Variants in KLHL32 observed in about 807,000 individuals in gnomAD.
KLHL32 encodes kelch like family member 32.
In KLHL32, 35 loss-of-function variants were observed where a neutral mutation model predicts 64.8. That is an observed-to-expected ratio of 0.54 (90% CI 0.41 to 0.72). The LOEUF (loss-of-function observed/expected upper bound fraction) is 0.72. KLHL32 is among the 30% of genes least tolerant of loss of function. KLHL32 has a pLI of 0.00. For missense variants in KLHL32, 589 were observed against 768.5 expected (o/e 0.77, Z 2.76); for synonymous variants, 259 against 281.0 (o/e 0.92, Z 0.78).
the KLHL32 span, among the ~76,000 whole-genome samples, chr6:96,901,322 G>A: frequency 9.9e-6 from 1 of 101,224 alleles, no homozygotes; most frequent in Non-Finnish European, 2.1e-5. Context: ...TATTCCTCCT[G>A]GATGCCTTTT....
At chr6:97,030,087 A>G (rs1562260109) in intron 3 of KLHL32, among the ~76,000 whole-genome samples, 1 of 152,226 alleles carries the variant, frequency 6.6e-6, no homozygotes, top group Non-Finnish European at 1.5e-5. Context: ...TTTCACCTGT[A>G]AGATTATTTG....
At chr6:97,080,998 T>A (rs1328697105) in intron 5 of KLHL32, among the ~76,000 whole-genome samples, 2 of 152,174 alleles carry the variant, frequency 1.3e-5, no homozygotes, top group African/African-American at 4.8e-5. Flanking sequence ...CCTACCATCA[T>A]CCTGTTTTAA....
chr6:97,021,130 T>C (rs990535102), intron 3 of KLHL32, among the ~76,000 whole-genome samples: 1 of 150,922 alleles, frequency 6.6e-6, no homozygotes. Flanking sequence ...AGATCTGCAT[T>C]TGGCAAGCTG....
upstream of KLHL32, among the ~76,000 whole-genome samples, chr6:96,922,266 G>A (rs146415497): frequency 2.2e-4 from 33 of 152,260 alleles, no homozygotes; most frequent in Non-Finnish European, 4.1e-4. Context: ...AGTACAAAGA[G>A]CAATCAATTG....
At chr6:97,053,557 C>A (rs1787296073) in intron 4 of KLHL32, among the ~76,000 whole-genome samples, 1 of 152,086 alleles carries the variant, frequency 6.6e-6, no homozygotes. Flanking sequence ...AATATTTTCA[C>A]TTCAAATTCT....
rs147672465 is a variant in KLHL32 at position 97,133,537 on chromosome 6, C to T, written c.1701+790C>T. Among the ~76,000 whole-genome samples, 1,400 of 152,246 alleles carry T rather than the reference C, an allele frequency of 9.2e-3. 22 individuals carry two copies. Among genetic ancestry groups the T allele is most frequent in the African/African-American group, 0.031 (1,278 of 41,534 alleles). ...ACTGCATCAATATCTTTAATAGTTG[C>T]AGAACTGTTCAACCTTTTTATTTCT... On this transcript the variant is annotated intron_variant, in intron 10 of 10. Coordinates refer to ENST00000369261, the MANE Select transcript of KLHL32 (RefSeq NM_052904.4).
chr6:97,113,647 T>G lies in KLHL32; in HGVS notation c.628-136T>G, dbSNP rs1454054907. On this transcript the variant is annotated intron_variant, in intron 6 of 10. Coordinates refer to ENST00000369261, the MANE Select transcript of KLHL32 (RefSeq NM_052904.4). ...AGTTCCTCACATGGGCTTCAAAATA[T>G]TCCAGTTATACTGTTTGTAAGAAAG... 5.1e-6 allele frequency: 6 copies of G among 1,186,254 alleles called. No homozygotes were observed. In the South Asian group the frequency reaches 6.1e-5, roughly 12 times the overall value. 73.5% of individuals were successfully genotyped at this position (1,186,254 alleles called of 1,614,324 possible). A position where few individuals can be genotyped will look rare whatever the true frequency, so the allele number is the denominator to read the frequency against.
intron 3 of KLHL32, among the ~76,000 whole-genome samples, chr6:97,009,287 A>G (rs565136681): frequency 1.3e-5 from 2 of 152,190 alleles, no homozygotes; most frequent in East Asian, 3.9e-4. Context: ...GCTATTCAGC[A>G]GAGACAATTT....
At chr6:96,902,632 C>T in the KLHL32 span, among the ~76,000 whole-genome samples, 66 of 152,164 alleles carry the variant, frequency 4.3e-4, no homozygotes, top group Non-Finnish European at 8.1e-4. Flanking sequence ...GTTGCAATTG[C>T]TTTTGGTGTC....
intron 3 of KLHL32, among the ~76,000 whole-genome samples, chr6:97,013,849 C>A (rs982581921): frequency 3.3e-4 from 51 of 152,248 alleles, no homozygotes; most frequent in Middle Eastern, 3.4e-3. Flanking sequence ...TGGGTTATTT[C>A]CCCTGTTGCC....
intron 5 of KLHL32, among the ~76,000 whole-genome samples, chr6:97,069,604 AG>A (rs1790381671): frequency 6.6e-6 from 1 of 152,138 alleles, no homozygotes; most frequent in Non-Finnish European, 1.5e-5. Context: ...TTTCGAGCAG[AG>A]GGATCACACC....
intron 5 of KLHL32, among the ~76,000 whole-genome samples, chr6:97,080,861 A>G (rs532511523): frequency 3.7e-4 from 56 of 152,246 alleles, no homozygotes; most frequent in African/African-American, 1.3e-3. Context: ...AATGTGATTG[A>G]CGGTGACATG....
chr6:97,077,265 T>C (rs1791741831), intron 5 of KLHL32, among the ~76,000 whole-genome samples: 1 of 152,208 alleles, frequency 6.6e-6, no homozygotes, highest in Non-Finnish European at 1.5e-5. Context: ...CACAAGCTTT[T>C]TAAAGTCTAC....
chr6:97,075,864 T>C (rs1791520054), intron 5 of KLHL32, among the ~76,000 whole-genome samples: 1 of 152,222 alleles, frequency 6.6e-6, no homozygotes, highest in Non-Finnish European at 1.5e-5. Flanking sequence ...CACTTTTTTG[T>C]CTTAATTATG....
At chr6:96,942,890 G>A (rs1771487732) in intron 1 of KLHL32, among the ~76,000 whole-genome samples, 1 of 152,126 alleles carries the variant, frequency 6.6e-6, no homozygotes. Flanking sequence ...GATCAAGCCT[G>A]AGTAATGTGT....
chr6:96,908,998 A>G, the KLHL32 span, among the ~76,000 whole-genome samples: 2 of 152,224 alleles, frequency 1.3e-5, no homozygotes, highest in African/African-American at 4.8e-5. Context: ...TGAAGGGTAC[A>G]GAGACCTGAT....
At chr6:97,059,159 C>A (rs967638939) in intron 4 of KLHL32, among the ~76,000 whole-genome samples, 2 of 152,152 alleles carry the variant, frequency 1.3e-5, no homozygotes, top group African/African-American at 4.8e-5. Context: ...GGGGAGAGAT[C>A]TTGCCAAGCT....
intron 6 of KLHL32, among the ~76,000 whole-genome samples, chr6:97,106,894 G>A (rs886530564): frequency 6.6e-6 from 1 of 152,074 alleles, no homozygotes; most frequent in Admixed American, 6.6e-5. Context: ...TATTTCTGAA[G>A]TAATCCATAA....
intron 1 of KLHL32, among the ~76,000 whole-genome samples, chr6:96,932,240 G>A (rs1042296894): frequency 1.6e-5 from 2 of 122,386 alleles, no homozygotes; most frequent in African/African-American, 3.5e-5. Flanking sequence ...AAAGCCTAAA[G>A]AAATATGGAA....
Sources: gnomAD v4.1 joint callset for allele counts (sites outside exome capture counted in the v4.1 genomes callset) on GRCh38, gnomAD v4.1.1 for gene constraint, MANE v1.5 for transcripts, NCBI Gene and HGNC (gene_info 2026-07-23, HGNC 2026-07-21) for gene names.